The following DOCK2 variants were observed in gnomAD, a reference collection of about 807,000 sequenced individuals.
DOCK2 encodes the protein dedicator of cytokinesis 2, also known as dedicator of cytokinesis protein 2.
In DOCK2, 87 loss-of-function variants were observed where a neutral mutation model predicts 248.9. That is an observed-to-expected ratio of 0.35 (90% CI 0.29 to 0.42). The LOEUF (loss-of-function observed/expected upper bound fraction) is 0.42, where lower values mean the gene tolerates loss of function less well. DOCK2 is among the 10% of genes least tolerant of loss of function. The pLI is 1.00. For missense variants in DOCK2, 1,747 were observed against 2,300.2 expected, an observed-to-expected ratio of 0.76 and a Z score of 4.92; for synonymous variants, 805 against 821.6, an observed-to-expected ratio of 0.98 and a Z score of 0.35.
chr5:169,700,885 A>G (rs1438402651), intron 13 of DOCK2, among the ~76,000 whole-genome samples: 1 of 149,412 alleles, frequency 6.7e-6, no homozygotes, highest in South Asian at 2.1e-4. Flanking sequence ...GGGGGCAGGG[A>G]GAGAGAGAGA....
Position 169,965,369 on chromosome 5 carries a change from A to G in DOCK2, c.2800-17699A>G, listed in dbSNP as rs565853887. Among the ~76,000 whole-genome samples the G allele has an allele frequency of 4.6e-5, 7 of 152,362 alleles. No individual in the cohort carries two copies. The South Asian group carries it at 1.4e-3, about 32-fold the overall frequency. ...CAGGCCACACTCTGAGTAGCAAGAT[A>G]GACACTCCTTTGCATTATGTCACTT... On this transcript the variant is annotated intron_variant, in intron 27 of 51. Coordinates refer to ENST00000520908, the MANE Select transcript of DOCK2 (RefSeq NM_004946.3).
At chr5:170,062,065 G>A (rs1384785805) in intron 44 of DOCK2, among the ~76,000 whole-genome samples, 2 of 151,906 alleles carry the variant, frequency 1.3e-5, no homozygotes, top group Non-Finnish European at 1.5e-5. Flanking sequence ...ATGTGTGGAT[G>A]CATGTATATG....
intron 24 of DOCK2, among the ~76,000 whole-genome samples, chr5:169,761,063 A>G (rs1481957957): frequency 6.6e-6 from 1 of 152,256 alleles, no homozygotes; most frequent in Non-Finnish European, 1.5e-5. Flanking sequence ...ATTACCAAGC[A>G]TAAAACATTT....
At chr5:170,056,532 C>T (rs1382710597) in intron 42 of DOCK2, 152 bp from the exon 43 acceptor site, 2 of 603,174 alleles carry the variant, frequency 3.3e-6, no homozygotes, top group Non-Finnish European at 5.9e-6. Context: ...TTACGGAGCC[C>T]AGAACACAGA....
intron 8 of DOCK2, among the ~76,000 whole-genome samples, chr5:169,688,825 A>T (rs894473229): frequency 6.6e-6 from 1 of 152,234 alleles, no homozygotes; most frequent in Non-Finnish European, 1.5e-5. Context: ...GTAACTTAAA[A>T]TAATTCAGAT....
chr5:169,892,527 A>G lies in DOCK2; in HGVS notation c.2799+51675A>G, dbSNP rs570079046. Among the ~76,000 whole-genome samples, 237 of 152,290 alleles carry G rather than the reference A, an allele frequency of 1.6e-3. 2 individuals carry two copies. The highest frequency in any genetic ancestry group is 1.7e-3 in the Non-Finnish European group (115 of 68,024). ...GTTCCAGCTCAGGTGCCTCATTTGG[A>G]AACAGACCTAGTGGAGAAGACAGGC... On this transcript the variant is annotated intron_variant, in intron 27 of 51. Coordinates refer to ENST00000520908, the MANE Select transcript of DOCK2 (RefSeq NM_004946.3).
chr5:169,802,024 G>A (rs1767026445), intron 25 of DOCK2, among the ~76,000 whole-genome samples: 1 of 149,720 alleles, frequency 6.7e-6, no homozygotes, highest in African/African-American at 2.4e-5. Flanking sequence ...CACATGTTTG[G>A]ATTTTTTTTT....
intron 1 of DOCK2, 142 bp from the exon 2 acceptor site, chr5:169,654,261 G>A (rs1757967707): frequency 2.5e-6 from 2 of 814,364 alleles, no homozygotes; most frequent in South Asian, 1.8e-5. Context: ...CTTGTGGCAG[G>A]CAATAGGTTT....
At chr5:170,045,984 A>T (rs781738243) in intron 39 of DOCK2, 79 bp downstream of exon 39, 60 of 1,397,314 alleles carry the variant, frequency 4.3e-5, no homozygotes, top group Middle Eastern at 3.6e-4. Context: ...TCCTGGGGAG[A>T]TGGGCATGAG....
chr5:169,945,859 C>G (rs959590845), intron 27 of DOCK2, among the ~76,000 whole-genome samples: 1 of 152,186 alleles, frequency 6.6e-6, no homozygotes, highest in African/African-American at 2.4e-5. Context: ...TTTCTTGACT[C>G]GTCCTTATTT....
chr5:169,956,203 C>T (rs1776860065), intron 27 of DOCK2, among the ~76,000 whole-genome samples: 1 of 152,236 alleles, frequency 6.6e-6, no homozygotes, highest in African/African-American at 2.4e-5. Context: ...AAGATTCATC[C>T]TGGTTGAGCA....
chr5:169,896,854 A>G (rs1449101586), intron 27 of DOCK2, among the ~76,000 whole-genome samples: 1 of 151,866 alleles, frequency 6.6e-6, no homozygotes, highest in Non-Finnish European at 1.5e-5. Flanking sequence ...CCATAGAACT[A>G]AAAGCAATTA....
At chr5:169,977,274 G>A (rs1359890316) in intron 27 of DOCK2, among the ~76,000 whole-genome samples, 2 of 152,194 alleles carry the variant, frequency 1.3e-5, no homozygotes, top group Non-Finnish European at 2.9e-5. Flanking sequence ...GCTCTTAGCT[G>A]TTCATCCCAA....
At chr5:169,981,690 C>G (rs1777941482) in intron 27 of DOCK2, among the ~76,000 whole-genome samples, 1 of 152,186 alleles carries the variant, frequency 6.6e-6, no homozygotes, top group Admixed American at 6.5e-5. Context: ...GATCAGTCAG[C>G]AGCCATCAGC....
chr5:169,959,685 T>C (rs1433923433), intron 27 of DOCK2, among the ~76,000 whole-genome samples: 1 of 152,164 alleles, frequency 6.6e-6, no homozygotes, highest in African/African-American at 2.4e-5. Context: ...AGTTCTCAGG[T>C]CTCCAACTGT....
chr5:169,767,120 AT>A (rs1350184619), intron 25 of DOCK2, among the ~76,000 whole-genome samples: 1 of 152,150 alleles, frequency 6.6e-6, no homozygotes, highest in Non-Finnish European at 1.5e-5. Context: ...TGTGGTTTTG[AT>A]TTGCATATCT....
At position 169,835,259 on chromosome 5, in the gene DOCK2, G is replaced by GTTTTT. The variant is rs763950012; in HGVS notation, c.2704-5498_2704-5497insTTTTT. The stretch of plus-strand genomic sequence containing the variant: ...AGTGGGAGGAAAGAGTGAAATGCCT[G>GTTTTT]GTTTTTTTTTTTTTTTTTTTGAGAC... On this transcript the variant is annotated intron_variant, in intron 26 of 51. Coordinates refer to ENST00000520908, the MANE Select transcript of DOCK2 (RefSeq NM_004946.3). 9.6e-4 allele frequency among the ~76,000 whole-genome samples: 133 copies of GTTTTT among 138,624 alleles called. 10 individuals carry two copies. The highest frequency in any genetic ancestry group is 1.1e-3 in the South Asian group (5 of 4,522). 90.9% of individuals were successfully genotyped at this position (138,624 alleles called of 152,430 possible). A position where few individuals can be genotyped will look rare whatever the true frequency, so the allele number is the denominator to read the frequency against.
chr5:169,694,138 C>G (rs1760466833), intron 9 of DOCK2, among the ~76,000 whole-genome samples: 1 of 152,224 alleles, frequency 6.6e-6, no homozygotes, highest in Non-Finnish European at 1.5e-5. Context: ...CAGCCCCACT[C>G]CCTTCCTCCT....
intron 39 of DOCK2, 30 bp downstream of exon 39, chr5:170,045,935 C>T (rs766582886): frequency 6.2e-7 from 1 of 1,609,356 alleles, no homozygotes; most frequent in Non-Finnish European, 8.5e-7. Flanking sequence ...GGCTGAATGC[C>T]CTGCAGGCTG....
Sources: allele counts gnomAD v4.1 joint callset (sites outside exome capture counted in the v4.1 genomes callset), GRCh38; gene constraint gnomAD v4.1.1; transcripts MANE v1.5; gene names NCBI Gene and HGNC (gene_info 2026-07-23, HGNC 2026-07-21).